The following AUTS2 variants were observed in gnomAD, a reference collection of about 807,000 sequenced individuals.
AUTS2 encodes the protein autism susceptibility gene 2 protein.
A neutral mutation model predicts 112.4 loss-of-function variants in AUTS2; 17 were observed. The observed-to-expected ratio is 0.15, with a 90% CI of 0.10 to 0.23. The LOEUF (loss-of-function observed/expected upper bound fraction) is 0.23, where lower values mean the gene tolerates loss of function less well. AUTS2 is among the 10% of genes least tolerant of loss of function. The probability of loss-of-function intolerance (pLI) is 1.00; values close to 1 mark genes in which losing one functional copy is unlikely to be tolerated. For synonymous variants in AUTS2, 751 were observed against 702.7 expected, an observed-to-expected ratio of 1.07 and a Z score of -1.09; for missense variants, 1,510 against 1,701.6, an observed-to-expected ratio of 0.89 and a Z score of 1.98.
chr7:70,209,516 A>G (rs1184916124), intron 4 of AUTS2, among the ~76,000 whole-genome samples: 1 of 152,156 alleles, frequency 6.6e-6, no homozygotes, highest in South Asian at 2.1e-4. Context: ...TGGATTCCCT[A>G]GGAAGAGAAT....
At chr7:70,391,785 TTC>T (rs1352332499) in intron 4 of AUTS2, among the ~76,000 whole-genome samples, 1 of 152,202 alleles carries the variant, frequency 6.6e-6, no homozygotes, top group African/African-American at 2.4e-5. Flanking sequence ...CAAACTTGCA[TTC>T]TCTCTGTTTT....
chr7:69,609,032 G>A (rs1413849049), intron 1 of AUTS2, among the ~76,000 whole-genome samples: 1 of 152,190 alleles, frequency 6.6e-6, no homozygotes, highest in Non-Finnish European at 1.5e-5. Context: ...TTTCTAAGCC[G>A]TGTGGCATCA....
intron 3 of AUTS2, among the ~76,000 whole-genome samples, chr7:70,125,013 T>A (rs1187323941): frequency 6.6e-6 from 1 of 152,212 alleles, no homozygotes; most frequent in Non-Finnish European, 1.5e-5. Flanking sequence ...GGAAAATAGT[T>A]ATTACAGCTT....
Position 70,698,434 on chromosome 7 carries a change from G to A in AUTS2, c.691-135G>A, listed in dbSNP as rs963700740. 2.3e-5 allele frequency: 16 copies of A among 706,380 alleles called. 1 individual carries two copies. Among genetic ancestry groups the A allele is most frequent in the Non-Finnish European group, 3.8e-5 (16 of 424,512 alleles). 43.8% of individuals were successfully genotyped at this position (706,380 alleles called of 1,614,324 possible). ...AGTCAACTAGCACCACCTTATGGAT[G>A]ATTTGGGGACATTGCTGCTTCCCTG... On this transcript the variant is annotated intron_variant, in intron 5 of 18. Coordinates refer to ENST00000342771, the MANE Select transcript of AUTS2 (RefSeq NM_015570.4).
At chr7:70,521,147 G>A (rs2129494937) in intron 5 of AUTS2, among the ~76,000 whole-genome samples, 1 of 152,228 alleles carries the variant, frequency 6.6e-6, no homozygotes, top group Admixed American at 6.5e-5. Flanking sequence ...CTTCACCCTT[G>A]TTCCTTGAGT....
chr7:70,203,401 T>C (rs1446791675), intron 4 of AUTS2, among the ~76,000 whole-genome samples: 1 of 149,916 alleles, frequency 6.7e-6, no homozygotes, highest in African/African-American at 2.5e-5. Flanking sequence ...AGACTGACAT[T>C]GTACTTTTCA....
At chr7:70,047,533 A>G (rs1254985562) in intron 2 of AUTS2, among the ~76,000 whole-genome samples, 1 of 152,198 alleles carries the variant, frequency 6.6e-6, no homozygotes, top group Non-Finnish European at 1.5e-5. Flanking sequence ...AAAGTTCATA[A>G]AGAGCATGAC....
intron 1 of AUTS2, among the ~76,000 whole-genome samples, chr7:69,873,655 C>T (rs1793602557): frequency 6.6e-6 from 1 of 152,098 alleles, no homozygotes; most frequent in African/African-American, 2.4e-5. Flanking sequence ...ATTTCTTAAG[C>T]TGGAAACCTG....
At chr7:70,138,531 T>C (rs1426908871) in intron 4 of AUTS2, among the ~76,000 whole-genome samples, 1 of 152,242 alleles carries the variant, frequency 6.6e-6, no homozygotes, top group Non-Finnish European at 1.5e-5. Flanking sequence ...TGAATCTAAC[T>C]GTCTTAGAAC....
At chr7:70,319,507 ACTGT>A (rs1310861530) in intron 4 of AUTS2, among the ~76,000 whole-genome samples, 2 of 152,210 alleles carry the variant, frequency 1.3e-5, no homozygotes, top group Non-Finnish European at 2.9e-5. Context: ...AGGTAGGATT[ACTGT>A]AGTGAGACAG....
At chr7:70,627,225 G>C (rs1804998044) in intron 5 of AUTS2, among the ~76,000 whole-genome samples, 2 of 152,164 alleles carry the variant, frequency 1.3e-5, no homozygotes, top group South Asian at 4.1e-4. Context: ...TGAGATGATA[G>C]CGTATTGTGA....
chr7:70,134,655 A>G (rs1806455744), intron 4 of AUTS2, 84 bp downstream of exon 4: 1 of 1,253,726 alleles, frequency 8.0e-7, no homozygotes, highest in Non-Finnish European at 1.2e-6. Flanking sequence ...GATATGAAAA[A>G]AAATCTGAGA....
intron 4 of AUTS2, among the ~76,000 whole-genome samples, chr7:70,397,390 G>T (rs1472885256): frequency 6.6e-6 from 1 of 151,880 alleles, no homozygotes; most frequent in Non-Finnish European, 1.5e-5. Flanking sequence ...TAATACACAT[G>T]CACTAGTGTC....
At chr7:69,941,247 A>G (rs1796614812) in intron 2 of AUTS2, among the ~76,000 whole-genome samples, 1 of 152,190 alleles carries the variant, frequency 6.6e-6, no homozygotes, top group African/African-American at 2.4e-5. Flanking sequence ...ATGATCTGAC[A>G]GCGTCAGCAG....
Position 70,764,757 on chromosome 7 carries a change from G to A in AUTS2, c.1220G>A (p.Ser407Asn), listed in dbSNP as rs1789809178. ...TTTTTTTCTTGTTCCGATAGCAGCA[G>A]CAGAAGCAGCACTCCAGCGAAGACT... ...SSLSLNSLSS[S>N]RSSTPAKTQP... is the part of the protein sequence containing the mutation. The change falls in exon 8 of 19, where the codon AGC (serine) becomes AAC (asparagine). Residue 407 changes from serine (S) to asparagine (N), a missense_variant. By Grantham distance (46) the Ser-to-Asn change is conservative. This residue lies in a region of AUTS2 where 535 missense variants were observed against 594.3 expected (regional missense o/e 0.90). Transcript: ENST00000342771. The A allele has an allele frequency of 1.4e-6, 1 of 733,228 alleles. No homozygotes were observed. Among genetic ancestry groups the A allele is most frequent in the South Asian group, 1.5e-5 (1 of 67,916 alleles). The allele number at this position is 733,228 out of a possible 1,614,324, so 45.4% of individuals were successfully genotyped here. A position where few individuals can be genotyped will look rare whatever the true frequency, so the allele number is the denominator to read the frequency against.
chr7:70,417,157 T>C, intron 4 of AUTS2, among the ~76,000 whole-genome samples: 1 of 152,208 alleles, frequency 6.6e-6, no homozygotes. Flanking sequence ...TTTCCAATGA[T>C]TAAAATGTAA....
chr7:69,948,306 G>A (rs1394775851), intron 2 of AUTS2, among the ~76,000 whole-genome samples: 3 of 152,132 alleles, frequency 2.0e-5, no homozygotes, highest in African/African-American at 7.2e-5. Context: ...GGATAGCATT[G>A]CTCAAAAGAT....
At chr7:69,835,068 A>G (rs1791662430) in intron 1 of AUTS2, among the ~76,000 whole-genome samples, 1 of 151,888 alleles carries the variant, frequency 6.6e-6, no homozygotes, top group African/African-American at 2.4e-5. Flanking sequence ...TATTTTGAGA[A>G]TTAGCGAAAC....
chr7:69,712,389 C>T (rs1469975875), intron 1 of AUTS2, among the ~76,000 whole-genome samples: 1 of 151,778 alleles, frequency 6.6e-6, no homozygotes, highest in African/African-American at 2.4e-5. Context: ...TCTCTTCTTT[C>T]CTTGTCTTGA....
Sources: allele counts gnomAD v4.1 joint callset (sites outside exome capture counted in the v4.1 genomes callset), GRCh38; gene constraint gnomAD v4.1.1; regional missense constraint gnomAD v4.1.1; transcripts MANE v1.5; gene names NCBI Gene and HGNC (gene_info 2026-07-23, HGNC 2026-07-21).